Variants in AGBL4 observed in about 807,000 individuals in gnomAD.
AGBL4 encodes the protein AGBL carboxypeptidase 4.
A neutral mutation model predicts 66.4 loss-of-function variants in AGBL4; 58 were observed. That is an observed-to-expected ratio of 0.87 (90% CI 0.71 to 1.09). The LOEUF is 1.09. Ranked by LOEUF, AGBL4 falls within the 50% of genes least tolerant of loss-of-function variation. The probability of loss-of-function intolerance (pLI) is 0.00; values close to 1 mark genes in which losing one functional copy is unlikely to be tolerated. For synonymous variants in AGBL4, 234 were observed against 222.9 expected (o/e 1.05, Z -0.44); for missense variants, 579 against 631.0 (o/e 0.92, Z 0.88).
At chr1:50,004,823 C>T (rs1661013883) in intron 1 of AGBL4, among the ~76,000 whole-genome samples, 1 of 152,042 alleles carries the variant, frequency 6.6e-6, no homozygotes, top group South Asian at 2.1e-4. Context: ...CAGGTGTCAC[C>T]CAGCACACTC....
chr1:48,912,734 T>G (rs1653250031), intron 5 of AGBL4, among the ~76,000 whole-genome samples: 1 of 152,200 alleles, frequency 6.6e-6, no homozygotes, highest in Non-Finnish European at 1.5e-5. Flanking sequence ...GTTTGCTAGC[T>G]TTGGGTCTCT....
intron 3 of AGBL4, among the ~76,000 whole-genome samples, chr1:49,359,871 G>T (rs1238034039): frequency 1.3e-5 from 2 of 152,038 alleles, no homozygotes; most frequent in East Asian, 3.9e-4. Context: ...GGTTCGCCCA[G>T]AACCGGTATC....
chr1:48,876,696 C>G (rs1298476157), intron 5 of AGBL4, among the ~76,000 whole-genome samples: 1 of 152,128 alleles, frequency 6.6e-6, no homozygotes, highest in African/African-American at 2.4e-5. Context: ...GCCTTCTCTT[C>G]CAACATGAGG....
intron 4 of AGBL4, among the ~76,000 whole-genome samples, chr1:49,127,929 A>G (rs1645799196): frequency 6.6e-6 from 1 of 152,132 alleles, no homozygotes. Context: ...AATGCCCAAC[A>G]GTCAATCAAA....
intron 2 of AGBL4, among the ~76,000 whole-genome samples, chr1:49,779,429 G>A (rs1284034841): frequency 6.6e-6 from 1 of 152,128 alleles, no homozygotes; most frequent in African/African-American, 2.4e-5. Context: ...TGTAGTACAG[G>A]CAGGGGGATG....
rs182809520 is a variant in AGBL4 at position 50,001,640 on chromosome 1, T to C, written c.34+22123A>G. 2.9e-3 allele frequency among the ~76,000 whole-genome samples: 434 copies of C among 151,368 alleles called. 3 individuals carry two copies. The highest frequency in any genetic ancestry group is 0.01 in the African/African-American group (412 of 41,186). On this transcript the variant is annotated intron_variant, in intron 1 of 13. Transcript: ENST00000371839. ...TAAAAATAAGAAATTAAGGAGAAAA[T>C]AGGGAATGACGGGGACTGTCATACC... is the stretch of plus-strand genomic sequence containing the variant.
At chr1:48,670,991 C>T (rs1646267891) in intron 6 of AGBL4, among the ~76,000 whole-genome samples, 1 of 152,210 alleles carries the variant, frequency 6.6e-6, no homozygotes, top group Non-Finnish European at 1.5e-5. Flanking sequence ...AGGGCCCTGC[C>T]TGGTTGTTTG....
intron 8 of AGBL4, 128 bp from the exon 9 acceptor site, chr1:48,634,732 G>C: frequency 1.6e-6 from 1 of 613,526 alleles, no homozygotes; most frequent in Non-Finnish European, 2.8e-6. Flanking sequence ...TCCAGAGACT[G>C]TTCTAAGTAC....
intron 6 of AGBL4, among the ~76,000 whole-genome samples, chr1:48,808,738 C>A (rs1645985995): frequency 6.6e-6 from 1 of 152,184 alleles, no homozygotes; most frequent in Admixed American, 6.5e-5. Context: ...AGCGAGTCAG[C>A]ACAAAGGCTG....
chr1:49,749,021 A>G (rs921122176), intron 2 of AGBL4, among the ~76,000 whole-genome samples: 1 of 152,074 alleles, frequency 6.6e-6, no homozygotes, highest in Admixed American at 6.6e-5. Flanking sequence ...ATTAGATCCC[A>G]TTTATCAATT....
At chr1:49,942,332 A>C (rs1654835554) in intron 1 of AGBL4, among the ~76,000 whole-genome samples, 1 of 152,128 alleles carries the variant, frequency 6.6e-6, no homozygotes, top group Non-Finnish European at 1.5e-5. Context: ...GAATAGAAAA[A>C]ACAATCCTAA....
intron 4 of AGBL4, among the ~76,000 whole-genome samples, chr1:49,125,203 G>A (rs1645741623): frequency 6.6e-6 from 1 of 151,866 alleles, no homozygotes; most frequent in Non-Finnish European, 1.5e-5. Flanking sequence ...AACACAAAAA[G>A]GCCTATTTTT....
intron 6 of AGBL4, among the ~76,000 whole-genome samples, chr1:48,811,894 A>C (rs989581864): frequency 2.0e-4 from 31 of 152,182 alleles, no homozygotes; most frequent in African/African-American, 7.2e-4. Flanking sequence ...ACAGCCCAAG[A>C]GGCAGGCATC....
intron 3 of AGBL4, among the ~76,000 whole-genome samples, chr1:49,690,147 G>A: frequency 6.6e-6 from 1 of 152,022 alleles, no homozygotes; most frequent in East Asian, 1.9e-4. Flanking sequence ...TTGCAATAAA[G>A]TGTTTCTCAA....
intron 6 of AGBL4, chr1:48,727,761 C>T (rs1181691671): frequency 2.2e-6 from 2 of 921,648 alleles, no homozygotes; most frequent in Non-Finnish European, 3.2e-6. Context: ...CCGCTGACCC[C>T]AGAACCCGAT....
At chr1:49,284,952 TAGAC>T (rs1216345747) in intron 3 of AGBL4, among the ~76,000 whole-genome samples, 5 of 150,098 alleles carry the variant, frequency 3.3e-5, no homozygotes, top group Non-Finnish European at 5.9e-5. Context: ...CTGTCAACAT[TAGAC>T]AGATCAACGA....
intron 2 of AGBL4, among the ~76,000 whole-genome samples, chr1:49,760,612 G>A (rs940909277): frequency 1.3e-5 from 2 of 152,120 alleles, no homozygotes; most frequent in Non-Finnish European, 2.9e-5. Context: ...AGACAGTGTG[G>A]CAATTCCTTA....
intron 4 of AGBL4, among the ~76,000 whole-genome samples, chr1:49,124,824 T>C (rs557835643): frequency 2.6e-5 from 4 of 152,308 alleles, no homozygotes; most frequent in East Asian, 1.9e-4. Flanking sequence ...GAAAGTCTCA[T>C]AGTGGGATTA....
intron 2 of AGBL4, among the ~76,000 whole-genome samples, chr1:49,761,551 T>A (rs1652317750): frequency 6.6e-6 from 1 of 152,210 alleles, no homozygotes; most frequent in African/African-American, 2.4e-5. Flanking sequence ...CTTCTTTACC[T>A]CTTTTTGTTC....
Sources: gnomAD v4.1 joint callset for allele counts (sites outside exome capture counted in the v4.1 genomes callset) on GRCh38, gnomAD v4.1.1 for gene constraint, MANE v1.5 for transcripts, NCBI Gene and HGNC (gene_info 2026-07-23, HGNC 2026-07-21) for gene names.